Variants in VPS37C observed in about 807,000 individuals in gnomAD.
The protein encoded by VPS37C is vacuolar protein sorting-associated protein 37C.
VPS37C carries 9 observed loss-of-function variants against 16.1 expected under a neutral mutation model. The observed-to-expected ratio is 0.56, with a 90% CI of 0.34 to 0.97. The LOEUF is 0.97. Ranked by LOEUF, VPS37C falls within the 50% of genes least tolerant of loss-of-function variation. The probability of loss-of-function intolerance (pLI) is 0.02; values close to 1 mark genes in which losing one functional copy is unlikely to be tolerated. For missense variants in VPS37C, 479 were observed against 472.7 expected, an observed-to-expected ratio of 1.01 and a Z score of -0.12; for synonymous variants, 207 against 206.4, an observed-to-expected ratio of 1.00 and a Z score of -0.02.
chr11:61,156,800 A>T (rs77132192), intron 1 of VPS37C, among the ~76,000 whole-genome samples: 2,843 of 152,304 alleles, frequency 0.019, 46 homozygotes, highest in South Asian at 0.071. Flanking sequence ...AAGTACATTT[A>T]CTTTGTCATA....
chr11:61,159,096 A>G (rs538884656), intron 1 of VPS37C, among the ~76,000 whole-genome samples: 44 of 152,342 alleles, frequency 2.9e-4, no homozygotes, highest in African/African-American at 1.0e-3. Flanking sequence ...AACCCCTACT[A>G]TTACTGGCCA....
At chr11:61,154,527 C>G (rs777853355) in intron 1 of VPS37C, among the ~76,000 whole-genome samples, 3 of 151,660 alleles carry the variant, frequency 2.0e-5, no homozygotes, top group Non-Finnish European at 4.4e-5. Context: ...GAACAAACCA[C>G]AGAGAGAAAA....
chr11:61,159,449 G>GT (rs1175773695), intron 1 of VPS37C, among the ~76,000 whole-genome samples: 7 of 152,286 alleles, frequency 4.6e-5, no homozygotes, highest in Non-Finnish European at 1.0e-4. Flanking sequence ...CTGAGAGGCA[G>GT]TATCACAGAG....
chr11:61,143,524 C>T (rs1861510288), intron 1 of VPS37C: 1 of 151,676 alleles, frequency 6.6e-6, no homozygotes. Context: ...GTGCCTGACA[C>T]TAGCCTGGCT....
Position 61,133,275 on chromosome 11 carries a change from T to C in VPS37C, c.328A>G (p.Lys110Glu). Reference sequence around the variant, plus strand: ...CTCACCTCGGACTCTTCTTCGATCTTCATGCCTTCCACCTGCAGAAGGTCT... The same window carrying C: ...CTCACCTCGGACTCTTCTTCGATCTCCATGCCTTCCACCTGCAGAAGGTCT... Reference protein sequence around the residue: ...LLDLLQVEGMKIEEESEAMAE... With the variant: ...LLDLLQVEGMEIEEESEAMAE... Residue 110 changes from lysine to glutamate, a missense_variant, in exon 4 of 5, where the codon AAG (lysine) becomes GAG (glutamate). Physicochemically the swap from Lys to Glu is moderately conservative, Grantham distance 56. Transcript: ENST00000301765. The C allele has an allele frequency of 6.2e-7, 1 of 1,614,172 alleles. No homozygotes were observed. The highest frequency in any genetic ancestry group is 8.5e-7 in the Non-Finnish European group (1 of 1,180,024).
intron 1 of VPS37C, among the ~76,000 whole-genome samples, chr11:61,139,143 AG>A (rs769277555): frequency 1.3e-5 from 2 of 152,204 alleles, no homozygotes; most frequent in African/African-American, 2.4e-5. Context: ...AGGAGCAGAG[AG>A]GAAAAGGCAG....
Position 61,132,432 on chromosome 11 carries a change from C to T in VPS37C, c.456G>A (p.Lys152=). ...TGGGCTTCCTCACCACTTCCTGGAG[C>T]TTTTCCACGCGAACCCGGCGCAGGT... ...LSHLRRVRVE[K]LQEVVRKPRA... The change falls in exon 5 of 5, where the codon AAG becomes AAA. Residue 152 remains lysine, a synonymous_variant. Transcript: ENST00000301765. 6.2e-7 allele frequency: 1 copy of T among 1,611,944 alleles called. No individual in the cohort carries two copies. Among genetic ancestry groups the T allele is most frequent in the Non-Finnish European group, 8.5e-7 (1 of 1,179,064 alleles).
rs1861266395 is a variant in VPS37C at position 61,131,869 on chromosome 11, G to C, written c.1019C>G (p.Pro340Arg). 5.5e-6 allele frequency: 7 copies of C among 1,266,076 alleles called. No individual in the cohort carries two copies. Among genetic ancestry groups the C allele is most frequent in the Non-Finnish European group, 7.0e-6 (7 of 999,978 alleles). The allele number at this position is 1,266,076 out of a possible 1,614,324, so 78.4% of individuals were successfully genotyped here. A position where few individuals can be genotyped will look rare whatever the true frequency, so the allele number is the denominator to read the frequency against. The change falls in exon 5 of 5, where the codon CCT becomes CGT. Residue 340 changes from proline to arginine, a missense_variant. Physicochemically the swap from Pro to Arg is moderately radical, Grantham distance 103. Coordinates refer to ENST00000301765, the MANE Select transcript of VPS37C (RefSeq NM_017966.5). ...CGGCGGTGGTGGGAACCCATAGGGA[G>C]GGGCGGGCCCGGGGGGATAAGGGGG... ...LQPPYPPGPA[P>R]PYGFPPPPGP...
chr11:61,156,494 A>C (rs1292698993), intron 1 of VPS37C, among the ~76,000 whole-genome samples: 1 of 152,190 alleles, frequency 6.6e-6, no homozygotes, highest in Non-Finnish European at 1.5e-5. Context: ...CTGAGGCATG[A>C]GAATCATTTG....
chr11:61,146,156 T>A (rs1853204237), intron 1 of VPS37C, among the ~76,000 whole-genome samples: 1 of 152,200 alleles, frequency 6.6e-6, no homozygotes, highest in Non-Finnish European at 1.5e-5. Context: ...AGAACGGGCA[T>A]TCTTCCCCTT....
chr11:61,160,082 G>A (rs141237929), intron 1 of VPS37C, among the ~76,000 whole-genome samples: 6 of 152,248 alleles, frequency 3.9e-5, no homozygotes, highest in African/African-American at 1.4e-4. Flanking sequence ...CCCAGCATAT[G>A]AAGCCAAGCA....
intron 1 of VPS37C, among the ~76,000 whole-genome samples, chr11:61,159,731 T>TAAAAAAAAAA (rs1377853607): frequency 1.6e-5 from 1 of 62,092 alleles, no homozygotes; most frequent in Admixed American, 1.8e-4. Context: ...AATAAATAAA[T>TAAAAAAAAAA]AAATAAATAA....
intron 3 of VPS37C, 64 bp downstream of exon 3, chr11:61,133,972 G>A (rs1483263883): frequency 6.5e-7 from 1 of 1,544,848 alleles, no homozygotes; most frequent in Non-Finnish European, 8.8e-7. Flanking sequence ...ACAGGGCTGG[G>A]AACACGGTGG....
intron 2 of VPS37C, 135 bp from the exon 3 acceptor site, chr11:61,134,342 C>T: frequency 1.1e-6 from 1 of 942,120 alleles, no homozygotes; most frequent in Non-Finnish European, 1.5e-6. Flanking sequence ...ATACTCAGCC[C>T]TCAACTAGTC....
intron 1 of VPS37C, among the ~76,000 whole-genome samples, chr11:61,152,843 ACTCTTTC>A: frequency 6.6e-6 from 1 of 152,088 alleles, no homozygotes; most frequent in Non-Finnish European, 1.5e-5. Flanking sequence ...TGCCTGGAAT[ACTCTTTC>A]CTACACTTTC....
chr11:61,156,588 AAAAAAC>A (rs1853380221), intron 1 of VPS37C, among the ~76,000 whole-genome samples: 1 of 152,198 alleles, frequency 6.6e-6, no homozygotes, highest in African/African-American at 2.4e-5. Flanking sequence ...CTGTCTCAAA[AAAAAAC>A]AAAAACAAAA....
intron 2 of VPS37C, among the ~76,000 whole-genome samples, chr11:61,137,909 A>C (rs1956930796): frequency 6.6e-6 from 1 of 152,214 alleles, no homozygotes. Context: ...CCCCCATGGC[A>C]TGGAAGCACG....
chr11:61,160,440 C>T (rs774329865), intron 1 of VPS37C, among the ~76,000 whole-genome samples: 8 of 152,166 alleles, frequency 5.3e-5, no homozygotes, highest in Non-Finnish European at 1.2e-4. Flanking sequence ...AGTCTGGTGG[C>T]AGCATCTTGG....
In VPS37C at chr11:61,130,802, T is replaced by G. The variant is rs1861238826; in HGVS notation, c.*1018A>C. ...GATGGTGTTTTTTAAAAAGCACCAT[T>G]TGGGAAGTAAAGTTAGGGCCTCTTT... is the stretch of plus-strand genomic sequence containing the variant. On this transcript the variant is annotated 3_prime_UTR_variant, in exon 5 of 5. Coordinates refer to ENST00000301765, the MANE Select transcript of VPS37C (RefSeq NM_017966.5). 2.3e-6 allele frequency: 1 copy of G among 438,880 alleles called. No homozygotes were observed. The highest frequency in any genetic ancestry group is 4.5e-6 in the Non-Finnish European group (1 of 220,928). 27.2% of individuals were successfully genotyped at this position (438,880 alleles called of 1,614,324 possible).
Sources: gnomAD v4.1 joint callset for allele counts (sites outside exome capture counted in the v4.1 genomes callset) on GRCh38, gnomAD v4.1.1 for gene constraint, MANE v1.5 for transcripts, NCBI Gene and HGNC (gene_info 2026-07-23, HGNC 2026-07-21) for gene names.